PCDHGB2: variants seen among roughly 807,000 people sequenced by gnomAD.
The protein encoded by PCDHGB2 is protocadherin gamma subfamily B, 2, also known as protocadherin gamma-B2.
A neutral mutation model predicts 59.3 loss-of-function variants in PCDHGB2; 55 were observed. That is an observed-to-expected ratio of 0.93 (90% confidence interval 0.75 to 1.16). The LOEUF is 1.16. PCDHGB2 is among the 50% of genes most tolerant of loss of function. The pLI is 0.00. For synonymous variants in PCDHGB2, 516 were observed against 512.0 expected, an observed-to-expected ratio of 1.01 and a Z score of -0.11; for missense variants, 1,228 against 1,198.5, an observed-to-expected ratio of 1.02 and a Z score of -0.36.
rs2097383894 is a variant in PCDHGB2, at chr5:141,431,489, C to T, written c.2422-63318C>T. On this transcript the variant is annotated intron_variant, in intron 1 of 3. Transcript: ENST00000522605. This position sits in a 1 kb window ranked among gnomAD's most constrained non-coding sequence, Gnocchi z 4.8. ...GAACGACAACGCACCAGCGTTTGCTCAGCCCGAGTACCGCGCGAGCGTTCC... is the reference window on the plus strand; with the variant it reads ...GAACGACAACGCACCAGCGTTTGCTTAGCCCGAGTACCGCGCGAGCGTTCC... The T allele has an allele frequency of 1.2e-6, 2 of 1,613,850 alleles. No homozygotes were observed. The highest frequency in any genetic ancestry group is 3.3e-5 in the Admixed American group (2 of 60,016).
rs1036344847 is a variant in PCDHGB2 at position 141,424,050 on chromosome 5, C to G, written c.2421+61494C>G. 9.9e-6 allele frequency: 10 copies of G among 1,014,084 alleles called. No homozygotes were observed. The African/African-American group carries it at 1.6e-4, about 16-fold the overall frequency. The allele number at this position is 1,014,084 out of a possible 1,614,324, so 62.8% of individuals were successfully genotyped here. A position where few individuals can be genotyped will look rare whatever the true frequency, so the allele number is the denominator to read the frequency against. ...ACTTTTTATTTCCATTTCAATTTTG[C>G]TGTGCCTTCACTGATTTGTAGTTAT... On this transcript the variant is annotated intron_variant, in intron 1 of 3. Coordinates refer to ENST00000522605, the MANE Select transcript of PCDHGB2 (RefSeq NM_018923.3).
chr5:141,506,435 G>A (rs1470687416), intron 3 of PCDHGB2, among the ~76,000 whole-genome samples: 7 of 126,234 alleles, frequency 5.5e-5, no homozygotes, highest in African/African-American at 2.0e-4. Context: ...CAACAGTCTC[G>A]CTCTGTCTCA....
chr5:141,504,988 C>T (rs886919738), intron 2 of PCDHGB2, among the ~76,000 whole-genome samples: 2 of 152,036 alleles, frequency 1.3e-5, no homozygotes, highest in African/African-American at 4.8e-5. Context: ...ATGGTGAAAC[C>T]CCGTCTGTAC....
rs6883529 is a variant in PCDHGB2, at chr5:141,427,618, A to G, written c.2421+65062A>G. On this transcript the variant is annotated intron_variant, in intron 1 of 3. Coordinates refer to ENST00000522605, the MANE Select transcript of PCDHGB2 (RefSeq NM_018923.3). ...ACCCTACGCATTGGTGAAGTCAACG[A>G]CAATGCTCCGGTTTTCCACCAAGTC... The G allele has an allele frequency of 3.3e-3, 2,299 of 695,914 alleles. 37 individuals are homozygous for G. In the African/African-American group the frequency reaches 0.033, roughly 10 times the overall value. 43.1% of individuals were successfully genotyped at this position (695,914 alleles called of 1,614,324 possible).
intron 1 of PCDHGB2, chr5:141,376,589 C>G: frequency 6.4e-7 from 1 of 1,568,198 alleles, no homozygotes; most frequent in Non-Finnish European, 8.7e-7. Flanking sequence ...TCAGCTAGAT[C>G]GGCTGTTATA....
At chr5:141,374,811 C>A (rs1770858987) in intron 1 of PCDHGB2, 1 of 1,613,868 alleles carries the variant, frequency 6.2e-7, no homozygotes, top group Admixed American at 1.7e-5. Flanking sequence ...CCAATGTTTA[C>A]TCAGCCTGTC....
chr5:141,394,837 T>G lies in PCDHGB2; in HGVS notation c.2421+32281T>G, dbSNP rs993988817. 198 of 1,613,706 alleles carry G rather than the reference T, an allele frequency of 1.2e-4. No homozygotes were observed. The highest frequency in any genetic ancestry group is 1.6e-4 in the Non-Finnish European group (187 of 1,179,960). ...AGCATCCCCGAAGTCCTGACCGAGT[T>G]GGGCAGTCTGAAGCCTTCGGTCGAC... is the stretch of plus-strand genomic sequence containing the variant. On this transcript the variant is annotated intron_variant, in intron 1 of 3. Coordinates refer to ENST00000522605, the MANE Select transcript of PCDHGB2 (RefSeq NM_018923.3).
At chr5:141,438,635 TACAC>T (rs56854727) in intron 1 of PCDHGB2, among the ~76,000 whole-genome samples, 720 of 33,094 alleles carry the variant, frequency 0.022, 7 homozygotes, top group Middle Eastern at 0.05. Context: ...TATATATATA[TACAC>T]ACACACACAC....
chr5:141,440,077 C>T (rs983267885), intron 1 of PCDHGB2: 1 of 152,424 alleles, frequency 6.6e-6, no homozygotes, highest in Non-Finnish European at 1.5e-5. Flanking sequence ...AGGAATAATA[C>T]TTCATTCTAA....
At chr5:141,481,606 C>T (rs2099540144) in intron 1 of PCDHGB2, among the ~76,000 whole-genome samples, 1 of 152,000 alleles carries the variant, frequency 6.6e-6, no homozygotes, top group South Asian at 2.1e-4. Context: ...TCACCTGAGG[C>T]CAGGAGTTCA....
intron 1 of PCDHGB2, chr5:141,440,479 T>C (rs949675242): frequency 6.6e-6 from 1 of 152,172 alleles, no homozygotes; most frequent in African/African-American, 2.4e-5. Context: ...TTGAAAATTC[T>C]TTAAATGTTT....
At position 141,487,534 on chromosome 5, in the gene PCDHGB2, G is replaced by T; in HGVS notation, c.2422-7273G>T. The T allele has an allele frequency of 6.2e-7, 1 of 1,614,174 alleles. No homozygotes were observed. The highest frequency in any genetic ancestry group is 8.5e-7 in the Non-Finnish European group (1 of 1,180,034). ...CCACTCGGAGTGATAGCTTCATGAT[G>T]GTGAAGTCACCCAGTGCACCTATGG... On this transcript the variant is annotated intron_variant, in intron 1 of 3. Coordinates refer to ENST00000522605, the MANE Select transcript of PCDHGB2 (RefSeq NM_018923.3). This position sits in a 1 kb window ranked among gnomAD's most constrained non-coding sequence, Gnocchi z 5.0.
At chr5:141,372,885 A>G (rs1011969316) in intron 1 of PCDHGB2, 5 of 1,202,158 alleles carry the variant, frequency 4.2e-6, no homozygotes, top group Non-Finnish European at 4.5e-6. Flanking sequence ...AAAAGAATAC[A>G]GATTAAATAT....
intron 2 of PCDHGB2, among the ~76,000 whole-genome samples, chr5:141,497,336 A>G (rs558221190): frequency 1.6e-3 from 251 of 152,122 alleles, no homozygotes; most frequent in Non-Finnish European, 2.8e-3. Flanking sequence ...TTCACCATTG[A>G]ACCTGGAAGC....
intron 1 of PCDHGB2, chr5:141,385,839 AT>A (rs758941967): frequency 8.1e-4 from 124 of 153,978 alleles, no homozygotes; most frequent in Admixed American, 2.3e-3. Context: ...CAGTATAATC[AT>A]TTATTAATGG....
At chr5:141,425,546 A>G (rs2096882460) in intron 1 of PCDHGB2, among the ~76,000 whole-genome samples, 1 of 152,202 alleles carries the variant, frequency 6.6e-6, no homozygotes, top group African/African-American at 2.4e-5. Flanking sequence ...CTTTTCAGAA[A>G]CCTCTTTTAT....
chr5:141,500,434 C>T (rs1216731905), intron 2 of PCDHGB2, among the ~76,000 whole-genome samples: 1 of 152,014 alleles, frequency 6.6e-6, no homozygotes, highest in Non-Finnish European at 1.5e-5. Flanking sequence ...TGGTCTCGAT[C>T]TCCTGACCTC....
Position 141,360,663 on chromosome 5 carries a change from G to A in PCDHGB2, c.528G>A (p.Glu176=). The change falls in exon 1 of 4, where the codon GAG becomes GAA. Residue 176 remains glutamate (E), a synonymous_variant. Transcript: ENST00000522605. ...AAAGATACCACCTTAATGACAACGA[G>A]TACTTTGATCTCGCTGAGAAACAGA... The part of the protein sequence containing the change: ...SLQRYHLNDN[E]YFDLAEKQTP... 1 of 1,613,928 alleles carries A rather than the reference G, an allele frequency of 6.2e-7. No individual in the cohort carries two copies. Among genetic ancestry groups the A allele is most frequent in the South Asian group, 1.1e-5 (1 of 91,074 alleles).
chr5:141,472,751 G>A (rs1000022316), intron 1 of PCDHGB2, among the ~76,000 whole-genome samples: 5 of 151,850 alleles, frequency 3.3e-5, no homozygotes, highest in East Asian at 3.9e-4. Flanking sequence ...TTTGGGAGGC[G>A]GAGGCTGGCA....
Sources: allele counts gnomAD v4.1 joint callset (sites outside exome capture counted in the v4.1 genomes callset), GRCh38; gene constraint gnomAD v4.1.1; non-coding constraint Gnocchi (gnomAD v3.1); transcripts MANE v1.5; gene names NCBI Gene and HGNC (gene_info 2026-07-23, HGNC 2026-07-21).